ATP2C2: variants seen among roughly 807,000 people sequenced by gnomAD.
ATP2C2 encodes calcium-transporting ATPase type 2C member 2.
ATP2C2 carries 171 observed loss-of-function variants against 110.8 expected under a neutral mutation model. The ratio of observed to expected loss-of-function variants is 1.54; its 90% CI spans 1.36 to 1.75. The LOEUF (loss-of-function observed/expected upper bound fraction) is 1.75, where lower values mean the gene tolerates loss of function less well. Ranked by LOEUF, ATP2C2 falls within the 40% of genes most tolerant of loss-of-function variation. ATP2C2 has a pLI of 0.00. For synonymous variants in ATP2C2, 804 were observed against 508.4 expected, an observed-to-expected ratio of 1.58 and a Z score of -7.82; for missense variants, 1,963 against 1,235.0, an observed-to-expected ratio of 1.59 and a Z score of -8.84.
chr16:84,441,387 A>C (rs943340176), intron 14 of ATP2C2, among the ~76,000 whole-genome samples: 1 of 152,122 alleles, frequency 6.6e-6, no homozygotes, highest in African/African-American at 2.4e-5. Flanking sequence ...GAATGGTAAA[A>C]AGTGAGCCTG....
intron 1 of ATP2C2, among the ~76,000 whole-genome samples, chr16:84,384,076 A>G (rs1021748630): frequency 6.6e-6 from 1 of 152,174 alleles, no homozygotes; most frequent in East Asian, 1.9e-4. Context: ...GGTGTCAGCC[A>G]CTGTGCCCAG....
At chr16:84,448,249 C>T (rs1273586551) in intron 16 of ATP2C2, among the ~76,000 whole-genome samples, 1 of 150,888 alleles carries the variant, frequency 6.6e-6, no homozygotes, top group African/African-American at 2.5e-5. Flanking sequence ...ATGAAACATA[C>T]AAGACGCTCT....
chr16:84,377,910 A>G (rs979868070), intron 1 of ATP2C2, among the ~76,000 whole-genome samples: 4 of 152,214 alleles, frequency 2.6e-5, no homozygotes, highest in African/African-American at 9.6e-5. Flanking sequence ...CCTCAGGAGA[A>G]GCGGGCATGG....
rs141487389 is a variant in ATP2C2 at position 84,368,870 on chromosome 16, C to G, written c.99+156C>G. 9.8e-5 allele frequency among the ~76,000 whole-genome samples: 15 copies of G among 152,358 alleles called. 1 individual carries two copies. The highest frequency in any genetic ancestry group is 3.4e-4 in the African/African-American group (14 of 41,596). On this transcript the variant is annotated intron_variant, in intron 1 of 26. Transcript: ENST00000262429. ...AGAAGCTGTCCTCACAGCAACCGCG[C>G]TCTCATCTGCGCTCTGGCGCGGGGA...
At chr16:84,401,448 C>A (rs9930706) in intron 2 of ATP2C2, among the ~76,000 whole-genome samples, 2 of 152,086 alleles carry the variant, frequency 1.3e-5, no homozygotes, top group Non-Finnish European at 2.9e-5. Flanking sequence ...TGATCTCGAA[C>A]TCCTGACCTC....
intron 2 of ATP2C2, chr16:84,404,685 C>G (rs932737818): frequency 3.0e-6 from 1 of 337,252 alleles, no homozygotes; most frequent in Non-Finnish European, 5.8e-6. Flanking sequence ...TGGAGCCCCA[C>G]TAGCAGTTCC....
chr16:84,454,803 C>G lies in ATP2C2; in HGVS notation c.1981-15C>G, dbSNP rs1412753214. 3 of 1,573,050 alleles carry G rather than the reference C, an allele frequency of 1.9e-6. No individual in the cohort carries two copies. Among genetic ancestry groups the G allele is most frequent in the South Asian group, 1.2e-5 (1 of 85,976 alleles). ...TCGTCAGGCTGCAGGCCTTCATTGC[C>G]TGCTCTTTCCAAAGGCTCTGCAGGA... On this transcript the variant is annotated splice_polypyrimidine_tract_variant and intron_variant, in intron 20 of 26. Coordinates refer to ENST00000262429, the MANE Select transcript of ATP2C2 (RefSeq NM_014861.4).
intron 16 of ATP2C2, among the ~76,000 whole-genome samples, chr16:84,447,187 C>T (rs556934886): frequency 6.6e-5 from 10 of 152,296 alleles, no homozygotes; most frequent in Non-Finnish European, 7.4e-5. Flanking sequence ...TGTCTGCCCA[C>T]GCAGACTGCT....
At chr16:84,380,178 C>A (rs1048755363) in intron 1 of ATP2C2, among the ~76,000 whole-genome samples, 1 of 152,136 alleles carries the variant, frequency 6.6e-6, no homozygotes, top group Admixed American at 6.5e-5. Context: ...CTATAAATAG[C>A]CAGTCTCCTT....
chr16:84,410,893 G>C (rs1277748968), intron 6 of ATP2C2, 128 bp downstream of exon 6: 1 of 923,670 alleles, frequency 1.1e-6, no homozygotes, highest in African/African-American at 1.6e-5. Context: ...CTCACTGGGA[G>C]TTCTAAGGCC....
At chr16:84,423,111 A>T in intron 9 of ATP2C2, 77 bp from the exon 10 acceptor site, 1 of 1,283,906 alleles carries the variant, frequency 7.8e-7, no homozygotes, top group Non-Finnish European at 1.1e-6. Context: ...GTAGGATGGC[A>T]AGGTGAAGAC....
At chr16:84,395,297 C>T (rs923540593) in intron 1 of ATP2C2, among the ~76,000 whole-genome samples, 14 of 151,980 alleles carry the variant, frequency 9.2e-5, no homozygotes, top group African/African-American at 3.4e-4. Flanking sequence ...AGTGTCACTG[C>T]AGCATGGCAC....
intron 3 of ATP2C2, among the ~76,000 whole-genome samples, chr16:84,407,862 G>A (rs1905914714): frequency 6.6e-6 from 1 of 152,160 alleles, no homozygotes; most frequent in South Asian, 2.1e-4. Context: ...TCAATCCTCT[G>A]TAACATGAGC....
intron 1 of ATP2C2, among the ~76,000 whole-genome samples, chr16:84,387,236 A>C (rs1052695292): frequency 6.6e-6 from 1 of 152,184 alleles, no homozygotes; most frequent in Non-Finnish European, 1.5e-5. Context: ...AAAAGCCCAA[A>C]CTGGGCCAGG....
At chr16:84,404,029 C>A (rs1311736546) in intron 2 of ATP2C2, among the ~76,000 whole-genome samples, 1 of 152,198 alleles carries the variant, frequency 6.6e-6, no homozygotes, top group Non-Finnish European at 1.5e-5. Flanking sequence ...TGAAGAGACG[C>A]ATAGGGCAGG....
intron 15 of ATP2C2, among the ~76,000 whole-genome samples, chr16:84,445,516 C>G (rs986843813): frequency 3.3e-5 from 5 of 152,114 alleles, no homozygotes; most frequent in African/African-American, 1.2e-4. Context: ...CCTTCCTCCT[C>G]TTATATCCAG....
intron 1 of ATP2C2, among the ~76,000 whole-genome samples, chr16:84,381,900 G>A (rs1910599734): frequency 6.6e-6 from 1 of 152,212 alleles, no homozygotes; most frequent in Admixed American, 6.5e-5. Context: ...GGGTCACACA[G>A]CTCTTCATGG....
chr16:84,387,093 A>T (rs1904355279), intron 1 of ATP2C2, among the ~76,000 whole-genome samples: 2 of 151,984 alleles, frequency 1.3e-5, no homozygotes, highest in Admixed American at 1.3e-4. Flanking sequence ...GACGACTATC[A>T]CTGAACAAGC....
chr16:84,434,291 C>T (rs1157243640), intron 11 of ATP2C2, among the ~76,000 whole-genome samples: 1 of 151,330 alleles, frequency 6.6e-6, no homozygotes, highest in Non-Finnish European at 1.5e-5. Flanking sequence ...TGGTGGGCGC[C>T]TGTAGTCCCA....
Sources: allele counts gnomAD v4.1 joint callset (sites outside exome capture counted in the v4.1 genomes callset), GRCh38; gene constraint gnomAD v4.1.1; transcripts MANE v1.5; gene names NCBI Gene and HGNC (gene_info 2026-07-23, HGNC 2026-07-21).